The following ARB2A variants were observed in gnomAD, a reference collection of about 807,000 sequenced individuals.
ARB2A encodes the protein ARB2 cotranscriptional regulator A.
the ARB2A span, among the ~76,000 whole-genome samples, chr5:93,963,690 G>T: frequency 6.6e-6 from 1 of 151,854 alleles, no homozygotes; most frequent in Non-Finnish European, 1.5e-5. Context: ...TGCCTTAAAT[G>T]AACTACTTTC....
the ARB2A span, among the ~76,000 whole-genome samples, chr5:93,755,204 G>A: frequency 6.6e-6 from 1 of 152,036 alleles, no homozygotes; most frequent in East Asian, 1.9e-4. Context: ...GATAAGTGAG[G>A]CAGATATTTA....
chr5:93,696,647 T>C, the ARB2A span, among the ~76,000 whole-genome samples: 66 of 152,298 alleles, frequency 4.3e-4, no homozygotes, highest in African/African-American at 1.6e-3. Context: ...CCATTGTCTT[T>C]GAGACTAATG....
chr5:93,647,792 G>A, the ARB2A span, among the ~76,000 whole-genome samples: 2 of 150,936 alleles, frequency 1.3e-5, no homozygotes, highest in Non-Finnish European at 2.9e-5. Flanking sequence ...CCAAAGTGCT[G>A]GGATCACAGG....
At chr5:94,013,111 T>C in the ARB2A span, among the ~76,000 whole-genome samples, 1 of 152,090 alleles carries the variant, frequency 6.6e-6, no homozygotes, top group African/African-American at 2.4e-5. Context: ...GTTGGTCATA[T>C]TGGTTCCAAC....
At chr5:93,947,744 C>T in the ARB2A span, among the ~76,000 whole-genome samples, 1 of 143,984 alleles carries the variant, frequency 6.9e-6, no homozygotes, top group Non-Finnish European at 1.5e-5. Context: ...TCAATTCCCA[C>T]CTATGAGTGA....
chr5:93,776,024 T>A, the ARB2A span: 1 of 720,144 alleles, frequency 1.4e-6, no homozygotes, highest in East Asian at 2.6e-5. Flanking sequence ...TACCCATGCA[T>A]AACATTACCA....
chr5:93,842,813 A>G, the ARB2A span, among the ~76,000 whole-genome samples: 360 of 152,298 alleles, frequency 2.4e-3, no homozygotes, highest in African/African-American at 8.3e-3. Flanking sequence ...TGCTTGGCAA[A>G]TGTCTTTGCA....
chr5:94,083,434 T>C, the ARB2A span, among the ~76,000 whole-genome samples: 1 of 152,112 alleles, frequency 6.6e-6, no homozygotes, highest in Admixed American at 6.6e-5. Flanking sequence ...ATAACTTCAA[T>C]ATCTACAGAA....
At chr5:93,865,674 A>C in the ARB2A span, 2 of 985,402 alleles carry the variant, frequency 2.0e-6, no homozygotes, top group Non-Finnish European at 2.4e-6. Context: ...TATCATCTAA[A>C]GATCTACCTC....
the ARB2A span, among the ~76,000 whole-genome samples, chr5:94,014,772 T>A: frequency 3.3e-5 from 5 of 151,010 alleles, no homozygotes; most frequent in Non-Finnish European, 5.9e-5. Flanking sequence ...CATTAGGGGC[T>A]ATCAACAGCA....
chr5:93,817,133 T>C, the ARB2A span, among the ~76,000 whole-genome samples: 3 of 151,296 alleles, frequency 2.0e-5, no homozygotes, highest in Non-Finnish European at 4.4e-5. Flanking sequence ...CTAAAAATAG[T>C]GAATTCAGCA....
chr5:93,989,141 T>C, the ARB2A span, among the ~76,000 whole-genome samples: 1 of 152,172 alleles, frequency 6.6e-6, no homozygotes, highest in African/African-American at 2.4e-5. Context: ...CATAATCCTC[T>C]TGGCTGACTG....
At chr5:93,986,560 C>G in the ARB2A span, among the ~76,000 whole-genome samples, 1 of 152,138 alleles carries the variant, frequency 6.6e-6, no homozygotes, top group African/African-American at 2.4e-5. Context: ...ATGACGATGG[C>G]GGTTCTGTCT....
chr5:93,994,295 A>C, the ARB2A span, among the ~76,000 whole-genome samples: 1 of 152,186 alleles, frequency 6.6e-6, no homozygotes, highest in African/African-American at 2.4e-5. Context: ...ATAAAGAAAG[A>C]AAATATGGTT....
At chr5:93,902,748 T>C in the ARB2A span, among the ~76,000 whole-genome samples, 1 of 152,116 alleles carries the variant, frequency 6.6e-6, no homozygotes, top group Non-Finnish European at 1.5e-5. Context: ...AAATGTATGA[T>C]TAGCTACTCT....
At chr5:93,757,015 C>G in the ARB2A span, among the ~76,000 whole-genome samples, 1 of 152,090 alleles carries the variant, frequency 6.6e-6, no homozygotes, top group Non-Finnish European at 1.5e-5. Context: ...AGAAAATAGA[C>G]AGCTTAAAGA....
the ARB2A span, among the ~76,000 whole-genome samples, chr5:93,843,990 T>A: frequency 6.6e-6 from 1 of 151,836 alleles, no homozygotes; most frequent in Admixed American, 6.6e-5. Flanking sequence ...GGTACATCAC[T>A]GCAAAATTTA....
the ARB2A span, among the ~76,000 whole-genome samples, chr5:93,636,152 T>C: frequency 6.6e-6 from 1 of 152,224 alleles, no homozygotes; most frequent in Non-Finnish European, 1.5e-5. Context: ...TGTATTGCTT[T>C]GACAGACTTT....
At chr5:93,878,161 T>C in the ARB2A span, among the ~76,000 whole-genome samples, 6 of 148,968 alleles carry the variant, frequency 4.0e-5, no homozygotes, top group Non-Finnish European at 7.6e-5. Flanking sequence ...TTTTGGTTTG[T>C]TGGAATGTTT....
Sources: gnomAD v4.1 joint callset for allele counts (sites outside exome capture counted in the v4.1 genomes callset) on GRCh38, gnomAD v4.1.1 for gene constraint, MANE v1.5 for transcripts, NCBI Gene and HGNC (gene_info 2026-07-23, HGNC 2026-07-21) for gene names.